The following TPST2 variants were observed in gnomAD, a reference collection of about 807,000 sequenced individuals.
The protein encoded by TPST2 is tyrosylprotein sulfotransferase 2, also known as protein-tyrosine sulfotransferase 2.
A neutral mutation model predicts 27.8 loss-of-function variants in TPST2; 16 were observed. The ratio of observed to expected loss-of-function variants is 0.58; its 90% CI spans 0.39 to 0.88. The LOEUF (loss-of-function observed/expected upper bound fraction) is 0.88, where lower values mean the gene tolerates loss of function less well. Among genes scored for constraint, TPST2 ranks in the 40% least tolerant of loss-of-function variants. TPST2 has a pLI of 0.00. For missense variants in TPST2, 464 were observed against 543.1 expected (o/e 0.85, Z 1.45); for synonymous variants, 229 against 231.7 (o/e 0.99, Z 0.10).
chr22:26,577,051 G>A (rs1175272228), intron 1 of TPST2, among the ~76,000 whole-genome samples: 97 of 148,900 alleles, frequency 6.5e-4, no homozygotes, highest in Non-Finnish European at 1.1e-3. Flanking sequence ...AGCTGAGATT[G>A]CGCCACTGCA....
intron 1 of TPST2, among the ~76,000 whole-genome samples, chr22:26,581,038 ACACACACACACACACG>A (rs1364003861): frequency 2.9e-5 from 2 of 69,308 alleles, no homozygotes; most frequent in Non-Finnish European, 7.2e-5. Context: ...ACACACACAC[ACACACACACACACACG>A]CACACACACA....
At chr22:26,578,033 T>C (rs1037210882) in intron 1 of TPST2, among the ~76,000 whole-genome samples, 1 of 152,144 alleles carries the variant, frequency 6.6e-6, no homozygotes, top group East Asian at 1.9e-4. Context: ...GTAATGTTCA[T>C]GAGTAAACAT....
chr22:26,538,385 T>C (rs1186575011), intron 3 of TPST2, among the ~76,000 whole-genome samples: 1 of 152,200 alleles, frequency 6.6e-6, no homozygotes, highest in Non-Finnish European at 1.5e-5. Context: ...GGTGCAGAAA[T>C]GAGGTGGACA....
intron 1 of TPST2, chr22:26,560,660 C>T (rs1002788155): frequency 2.2e-5 from 28 of 1,291,512 alleles, no homozygotes; most frequent in African/African-American, 2.9e-5. Context: ...CTAAGAAGTG[C>T]TCAGAGAGGT....
intron 1 of TPST2, among the ~76,000 whole-genome samples, chr22:26,551,890 T>C (rs1433721050): frequency 1.0e-3 from 149 of 142,042 alleles, no homozygotes; most frequent in African/African-American, 2.6e-3. Context: ...TTTCTTTTTT[T>C]TTTTTTTTTT....
chr22:26,542,707 G>C (rs1381851530), intron 2 of TPST2, among the ~76,000 whole-genome samples: 2 of 152,166 alleles, frequency 1.3e-5, no homozygotes, highest in African/African-American at 2.4e-5. Flanking sequence ...AGGTGGAGAA[G>C]GGAAACAAGG....
At chr22:26,531,874 TC>T (rs1444154342) in intron 5 of TPST2, among the ~76,000 whole-genome samples, 1 of 152,116 alleles carries the variant, frequency 6.6e-6, no homozygotes, top group Non-Finnish European at 1.5e-5. Context: ...CTAGAACAGC[TC>T]ACAAGACACT....
At chr22:26,529,274 G>A (rs1029048150) in intron 5 of TPST2, among the ~76,000 whole-genome samples, 1 of 152,170 alleles carries the variant, frequency 6.6e-6, no homozygotes, top group Non-Finnish European at 1.5e-5. Context: ...CTACAGACGT[G>A]TGCCACCACG....
intron 1 of TPST2, among the ~76,000 whole-genome samples, chr22:26,576,957 G>T (rs982010702): frequency 6.6e-6 from 1 of 151,936 alleles, no homozygotes; most frequent in South Asian, 2.1e-4. Context: ...TTAGCCGGGC[G>T]TGGTGGCAGA....
intron 1 of TPST2, among the ~76,000 whole-genome samples, chr22:26,557,365 T>C (rs572972584): frequency 3.9e-5 from 6 of 152,310 alleles, no homozygotes; most frequent in African/African-American, 1.2e-4. Context: ...AGTTTCCTCA[T>C]CTGTAAAATG....
chr22:26,536,193 A>G (rs767298211), intron 4 of TPST2, 95 bp downstream of exon 4: 4 of 1,384,088 alleles, frequency 2.9e-6, no homozygotes, highest in Non-Finnish European at 4.0e-6. Flanking sequence ...AGGAATTGAG[A>G]GACTGAACAT....
intron 1 of TPST2, among the ~76,000 whole-genome samples, chr22:26,555,925 G>T (rs545779541): frequency 6.6e-6 from 1 of 152,326 alleles, no homozygotes; most frequent in Non-Finnish European, 1.5e-5. Flanking sequence ...CACAGCAGGT[G>T]CAGGGCAGCA....
chr22:26,554,959 A>C (rs1926706971), intron 1 of TPST2, among the ~76,000 whole-genome samples: 1 of 152,194 alleles, frequency 6.6e-6, no homozygotes, highest in Non-Finnish European at 1.5e-5. Context: ...ACTCACATAA[A>C]GCACTCAGAA....
intron 3 of TPST2, among the ~76,000 whole-genome samples, chr22:26,536,992 G>C (rs1242959135): frequency 1.3e-5 from 2 of 152,110 alleles, no homozygotes; most frequent in Non-Finnish European, 2.9e-5. Context: ...TGAAGAAGCA[G>C]TGAGCCTGAG....
intron 1 of TPST2, among the ~76,000 whole-genome samples, chr22:26,567,796 A>G (rs1927437017): frequency 2.0e-5 from 3 of 152,274 alleles, no homozygotes; most frequent in Middle Eastern, 3.2e-3. Flanking sequence ...CTAAGTGGTC[A>G]ATAAGCATAT....
rs772275735 is a variant in TPST2 at position 26,541,620 on chromosome 22, G to A, written c.11C>T (p.Ser4Leu). MRL[S>L]VRRVLLAAGC... ...GGCTGCCAGCAGCACCCTCCGCACCGACAGGCGCATGCTGGGCCGGAGGCA... is the reference window on the plus strand; with the variant it reads ...GGCTGCCAGCAGCACCCTCCGCACCAACAGGCGCATGCTGGGCCGGAGGCA... Residue 4 changes from serine (S) to leucine (L), a missense_variant, in exon 3 of 7, where the codon TCG becomes TTG. Transcript: ENST00000338754. This position sits in a 1 kb window ranked among gnomAD's most constrained non-coding sequence, Gnocchi z 5.9. 134 of 1,578,558 alleles carry A rather than the reference G, an allele frequency of 8.5e-5. No individual in the cohort carries two copies. The highest frequency in any genetic ancestry group is 9.9e-5 in the Non-Finnish European group (115 of 1,167,364).
At chr22:26,544,855 T>A (rs1009215310) in intron 1 of TPST2, among the ~76,000 whole-genome samples, 180 bp from the exon 2 acceptor site, 29 of 152,284 alleles carry the variant, frequency 1.9e-4, no homozygotes, top group African/African-American at 7.0e-4. Context: ...GAGTCTCAAC[T>A]TATCTACTCC....
intron 1 of TPST2, among the ~76,000 whole-genome samples, chr22:26,579,425 C>T (rs1241232800): frequency 6.6e-6 from 1 of 152,172 alleles, no homozygotes; most frequent in African/African-American, 2.4e-5. Context: ...CCCTGGGGCC[C>T]GGTGGGGAAG....
chr22:26,580,994 C>A (rs1317494599), intron 1 of TPST2, among the ~76,000 whole-genome samples: 2 of 149,810 alleles, frequency 1.3e-5, no homozygotes, highest in African/African-American at 5.0e-5. Flanking sequence ...ATAACACCAC[C>A]GATTCCCCCA....
Sources: allele counts gnomAD v4.1 joint callset (sites outside exome capture counted in the v4.1 genomes callset), GRCh38; gene constraint gnomAD v4.1.1; non-coding constraint Gnocchi (gnomAD v3.1); transcripts MANE v1.5; gene names NCBI Gene and HGNC (gene_info 2026-07-23, HGNC 2026-07-21).